Variants in PDAP1 observed in about 807,000 individuals in gnomAD.
PDAP1 encodes PDGFA associated protein 1.
A neutral mutation model predicts 28.0 loss-of-function variants in PDAP1; 13 were observed. That is an observed-to-expected ratio of 0.46 (90% CI 0.30 to 0.74). PDAP1 has a LOEUF of 0.74. Ranked by LOEUF, PDAP1 falls within the 30% of genes least tolerant of loss-of-function variation. PDAP1 has a pLI of 0.07. For missense variants in PDAP1, 150 were observed against 230.0 expected (o/e 0.65, Z 2.25); for synonymous variants, 77 against 85.1 (o/e 0.91, Z 0.52).
In PDAP1 at chr7:99,403,331, C is replaced by T. The variant is rs972716230; in HGVS notation, c.213+67G>A. ...ATCTACCTTTGGGACTAGTACTAAA[C>T]GGTCACTCAACGTTTGTTTGTTGAA... On this transcript the variant is annotated intron_variant, in intron 3 of 5. Coordinates refer to ENST00000350498, the MANE Select transcript of PDAP1 (RefSeq NM_014891.7). The T allele has an allele frequency of 6.9e-5, 65 of 948,288 alleles. 1 individual carries two copies. The highest frequency in any genetic ancestry group is 1.0e-4 in the Non-Finnish European group (58 of 576,158). 58.7% of individuals were successfully genotyped at this position (948,288 alleles called of 1,614,324 possible).
In PDAP1 at chr7:99,397,872, CTCT is replaced by C; in HGVS notation, c.474_476del (p.Glu160del). 1 of 1,612,780 alleles carries C rather than the reference CTCT, an allele frequency of 6.2e-7. No homozygotes were observed. The highest frequency in any genetic ancestry group is 8.5e-7 in the Non-Finnish European group (1 of 1,180,042). On this transcript the variant is annotated inframe_deletion, in exon 5 of 6. Transcript: ENST00000350498. ...CAGCCCAGCCCTTACCTTTCCTTTC[CTCT>C]TCCTTCTTCCGGGCAGCCTCCTCCC...
intron 1 of PDAP1, among the ~76,000 whole-genome samples, chr7:99,407,273 C>G (rs888691739): frequency 6.6e-6 from 1 of 152,160 alleles, no homozygotes; most frequent in Admixed American, 6.5e-5. Context: ...GCTATGAATT[C>G]ATATTTAAGG....
intron 3 of PDAP1, 150 bp downstream of exon 3, chr7:99,403,244 CTGTT>C: frequency 3.3e-6 from 2 of 608,428 alleles, no homozygotes; most frequent in Non-Finnish European, 5.9e-6. Flanking sequence ...ATGACACTGT[CTGTT>C]TACTTCTTTG....
intron 4 of PDAP1, among the ~76,000 whole-genome samples, chr7:99,399,696 T>C (rs553278647): frequency 6.6e-6 from 1 of 152,282 alleles, no homozygotes; most frequent in African/African-American, 2.4e-5. Flanking sequence ...GGAGAGAAAC[T>C]AGCAGGCTTC....
intron 1 of PDAP1, chr7:99,406,529 T>C: frequency 1.0e-6 from 1 of 972,762 alleles, no homozygotes; most frequent in Non-Finnish European, 1.2e-6. Context: ...AAGTTAAAAA[T>C]GTGACTAGCA....
chr7:99,397,393 A>G (rs571748601), intron 5 of PDAP1, among the ~76,000 whole-genome samples: 2 of 152,268 alleles, frequency 1.3e-5, no homozygotes, highest in South Asian at 4.2e-4. Flanking sequence ...AGGGGAGAGC[A>G]CAGGAAAAGG....
chr7:99,400,707 C>T (rs1423584383), intron 3 of PDAP1, among the ~76,000 whole-genome samples: 1 of 152,212 alleles, frequency 6.6e-6, no homozygotes, highest in East Asian at 1.9e-4. Flanking sequence ...GACTTGCAAG[C>T]ACTCACACAG....
In PDAP1 at chr7:99,395,286, G is replaced by A. The variant is rs1255534927; in HGVS notation, c.*1396C>T. ...CTGCCTCAGCCTCCCAAGTAGCTGG[G>A]ATTACAGGCATACACCACCAAGCCT... On this transcript the variant is annotated 3_prime_UTR_variant, in exon 6 of 6. Coordinates refer to ENST00000350498, the MANE Select transcript of PDAP1 (RefSeq NM_014891.7). 1.3e-5 allele frequency: 2 copies of A among 152,292 alleles called. No individual in the cohort carries two copies. The highest frequency in any genetic ancestry group is 1.3e-4 in the Admixed American group (2 of 15,268). 9.4% of individuals were successfully genotyped at this position (152,292 alleles called of 1,614,324 possible).
chr7:99,396,224 G>T lies in PDAP1; in HGVS notation c.*458C>A. 4.2e-6 allele frequency: 1 copy of T among 235,460 alleles called. No individual in the cohort carries two copies. Among genetic ancestry groups the T allele is most frequent in the Non-Finnish European group, 8.6e-6 (1 of 116,358 alleles). The allele number at this position is 235,460 out of a possible 1,614,324, so 14.6% of individuals were successfully genotyped here. A position where few individuals can be genotyped will look rare whatever the true frequency, so the allele number is the denominator to read the frequency against. On this transcript the variant is annotated 3_prime_UTR_variant, in exon 6 of 6. Transcript: ENST00000350498. ...AGCCATGACCCTCGAGGACCCAGGGGCACAGGCTCCCAGATGATAGCCCCT... is the reference window on the plus strand; with the variant it reads ...AGCCATGACCCTCGAGGACCCAGGGTCACAGGCTCCCAGATGATAGCCCCT...
intron 3 of PDAP1, among the ~76,000 whole-genome samples, chr7:99,402,907 G>GAA (rs967958060): frequency 1.4e-5 from 2 of 140,468 alleles, no homozygotes; most frequent in Non-Finnish European, 3.0e-5. Context: ...GAAAAGAAAA[G>GAA]AAAAGAAATG....
intron 3 of PDAP1, among the ~76,000 whole-genome samples, chr7:99,400,819 A>G (rs1794850826): frequency 6.6e-6 from 1 of 152,180 alleles, no homozygotes; most frequent in African/African-American, 2.4e-5. Flanking sequence ...TCCCCAGGGC[A>G]GGGTGGGCCA....
chr7:99,402,851 C>T (rs1278212541), intron 3 of PDAP1, among the ~76,000 whole-genome samples: 1 of 148,454 alleles, frequency 6.7e-6, no homozygotes, highest in African/African-American at 2.5e-5. Context: ...TGCACTCCAG[C>T]CTCAGTGACA....
chr7:99,405,442 C>T (rs1218986793), intron 1 of PDAP1, among the ~76,000 whole-genome samples: 1 of 151,848 alleles, frequency 6.6e-6, no homozygotes, highest in African/African-American at 2.4e-5. Flanking sequence ...TCACCGCAAC[C>T]TCCACCACCC....
At position 99,404,944 on chromosome 7, in the gene PDAP1, C is replaced by T. The variant is rs1297195808; in HGVS notation, c.23G>A (p.Gly8Glu). Residue 8 changes from glycine to glutamate, a missense_variant, in exon 2 of 6, where the codon GGA becomes GAA. Gly to Glu is a moderately conservative substitution (Grantham distance 98). Coordinates refer to ENST00000350498, the MANE Select transcript of PDAP1 (RefSeq NM_014891.7). ...CTGCCTCGCCCGGCCTTTGTGGCCT[C>T]CCTTTCTTCCTGCAGAGACCCGCAG... MPKGGRKGGHKGRARQYT... is the reference protein window; with the variant it reads MPKGGRKEGHKGRARQYT... 6.2e-7 allele frequency: 1 copy of T among 1,613,616 alleles called. No individual in the cohort carries two copies. Among genetic ancestry groups the T allele is most frequent in the Non-Finnish European group, 8.5e-7 (1 of 1,179,702 alleles).
chr7:99,404,266 CA>C (rs1329943675), intron 2 of PDAP1, among the ~76,000 whole-genome samples: 2 of 152,144 alleles, frequency 1.3e-5, no homozygotes, highest in African/African-American at 4.8e-5. Context: ...ATCCAGGCAT[CA>C]ATCTAATGAT....
At chr7:99,401,595 G>A (rs1674530583) in intron 3 of PDAP1, among the ~76,000 whole-genome samples, 1 of 152,032 alleles carries the variant, frequency 6.6e-6, no homozygotes, top group Non-Finnish European at 1.5e-5. Context: ...AAAGTGCTGG[G>A]ATTACAGGTG....
chr7:99,408,417 C>A (rs1448378517), intron 1 of PDAP1, 119 bp downstream of exon 1: 4 of 930,988 alleles, frequency 4.3e-6, no homozygotes, highest in Non-Finnish European at 4.3e-6. Flanking sequence ...TGGCTCTCAG[C>A]CGGTGCGGAC....
At chr7:99,396,964 T>C (rs1019740319) in intron 5 of PDAP1, among the ~76,000 whole-genome samples, 1 of 152,110 alleles carries the variant, frequency 6.6e-6, no homozygotes, top group African/African-American at 2.4e-5. Flanking sequence ...TAGAAAGCTG[T>C]TCCTTCCACA....
intron 5 of PDAP1, among the ~76,000 whole-genome samples, chr7:99,397,479 A>T (rs1472012184): frequency 6.6e-6 from 1 of 152,180 alleles, no homozygotes; most frequent in African/African-American, 2.4e-5. Flanking sequence ...GCAGATGGAC[A>T]GCGGTGACCT....
Sources: allele counts gnomAD v4.1 joint callset (sites outside exome capture counted in the v4.1 genomes callset), GRCh38; gene constraint gnomAD v4.1.1; transcripts MANE v1.5; gene names NCBI Gene and HGNC (gene_info 2026-07-23, HGNC 2026-07-21).